Variants in TNRC18 observed in about 807,000 individuals in gnomAD.
TNRC18 encodes trinucleotide repeat containing 18.
In TNRC18, 69 loss-of-function variants were observed where a neutral mutation model predicts 226.7. That is an observed-to-expected ratio of 0.30 (90% CI 0.25 to 0.37). The LOEUF (loss-of-function observed/expected upper bound fraction) is 0.37. Ranked by LOEUF, TNRC18 falls within the 10% of genes least tolerant of loss-of-function variation. TNRC18 has a pLI of 1.00. For synonymous variants in TNRC18, 2,449 were observed against 1,927.6 expected, an observed-to-expected ratio of 1.27 and a Z score of -7.09; for missense variants, 4,754 against 4,256.6, an observed-to-expected ratio of 1.12 and a Z score of -3.25.
chr7:5,336,525 T>A (rs1361211972), intron 18 of TNRC18, among the ~76,000 whole-genome samples: 3 of 151,840 alleles, frequency 2.0e-5, no homozygotes, highest in African/African-American at 7.3e-5. Context: ...GGAGGATCCC[T>A]GAGGTCAAGA....
chr7:5,411,673 A>G (rs1205615528), intron 2 of TNRC18, among the ~76,000 whole-genome samples: 1 of 152,110 alleles, frequency 6.6e-6, no homozygotes, highest in Non-Finnish European at 1.5e-5. Flanking sequence ...GATGTGCTCT[A>G]CAGAAAGAAG....
rs751757797 is a variant in TNRC18, at chr7:5,377,943, C to T, written c.2234G>A (p.Arg745Gln). 14 of 1,613,628 alleles carry T rather than the reference C, an allele frequency of 8.7e-6. No individual in the cohort carries two copies. The highest frequency in any genetic ancestry group is 1.1e-5 in the Non-Finnish European group (13 of 1,179,804). The change falls in exon 6 of 30, where the codon CGG becomes CAG. Residue 745 changes from arginine to glutamine, a missense_variant. Coordinates refer to ENST00000430969, the MANE Select transcript of TNRC18 (RefSeq NM_001080495.3). The surrounding 1 kb of genome is among the most constrained non-coding windows in gnomAD (Gnocchi z 5.8). ...EERLLGARLD[R>Q]DQEKLLRESK... is the part of the protein sequence containing the mutation. ...TCACCTGAGCAGCTTCTCCTGATCC[C>T]GGTCCAGCCGTGCCCCGAGCAGCCG...
chr7:5,411,515 CAAAAAAAA>C (rs764197407), intron 2 of TNRC18, among the ~76,000 whole-genome samples: 2 of 65,472 alleles, frequency 3.1e-5, no homozygotes, highest in East Asian at 5.3e-4. Context: ...AAGACTCTGT[CAAAAAAAA>C]AAAAAAAAAA....
At chr7:5,320,678 C>T (rs932854807) in intron 22 of TNRC18, 71 bp from the exon 23 acceptor site, 1 of 1,333,690 alleles carries the variant, frequency 7.5e-7, no homozygotes, top group South Asian at 1.3e-5. Context: ...CCCACCAGCA[C>T]AGCACTGCCT....
At chr7:5,311,190 A>G (rs1338450780) in intron 27 of TNRC18, among the ~76,000 whole-genome samples, 1 of 129,182 alleles carries the variant, frequency 7.7e-6, no homozygotes, top group Non-Finnish European at 1.7e-5. Context: ...ATGTGCACAC[A>G]TATGTGCGTG....
chr7:5,309,085 C>T lies in TNRC18; in HGVS notation c.8625+47G>A, dbSNP rs761899002. 16 of 1,543,144 alleles carry T rather than the reference C, an allele frequency of 1.0e-5. No homozygotes were observed. The African/African-American group carries it at 1.2e-4, about 12-fold the overall frequency. ...CCAGAACGCCTCGCCCTCAGGTCTG[C>T]CCTACACCGCCTAGGACTGGGGGCC... is the stretch of plus-strand genomic sequence containing the variant. On this transcript the variant is annotated intron_variant, in intron 28 of 29. Transcript: ENST00000430969. This position sits in a 1 kb window ranked among gnomAD's most constrained non-coding sequence, Gnocchi z 5.7.
At position 5,401,741 on chromosome 7, in the gene TNRC18, G is replaced by C. The variant is rs375805757; in HGVS notation, c.188-7146C>G. ...ACCCCAGCATTACTAGGTATGCTAC[G>C]AGTTATTTTTTATTCCTAGTCCTAT... On this transcript the variant is annotated intron_variant, in intron 2 of 29. Coordinates refer to ENST00000430969, the MANE Select transcript of TNRC18 (RefSeq NM_001080495.3). Among the ~76,000 whole-genome samples, 4 of 152,330 alleles carry C rather than the reference G, an allele frequency of 2.6e-5. No individual in the cohort carries two copies. The East Asian group carries it at 5.8e-4, about 22-fold the overall frequency.
intron 29 of TNRC18, 125 bp from the exon 30 acceptor site, chr7:5,308,437 A>G (rs1428218477): frequency 1.2e-6 from 1 of 855,408 alleles, no homozygotes; most frequent in African/African-American, 1.7e-5. Flanking sequence ...AGACCAAGTC[A>G]GAGACAGAGG....
chr7:5,371,910 T>C (rs1478063785), intron 10 of TNRC18, among the ~76,000 whole-genome samples: 1 of 152,160 alleles, frequency 6.6e-6, no homozygotes, highest in Non-Finnish European at 1.5e-5. Context: ...ATTTCCTTTT[T>C]TTTTGAGACA....
intron 17 of TNRC18, among the ~76,000 whole-genome samples, chr7:5,351,252 T>C (rs1280732805): frequency 6.6e-6 from 1 of 151,018 alleles, no homozygotes; most frequent in African/African-American, 2.4e-5. Flanking sequence ...ACCTAATGTC[T>C]AGTAAGGACA....
At chr7:5,347,838 C>G (rs1791361119) in intron 17 of TNRC18, among the ~76,000 whole-genome samples, 1 of 151,880 alleles carries the variant, frequency 6.6e-6, no homozygotes, top group South Asian at 2.1e-4. Context: ...ACCTGTAATC[C>G]CGGCTACTCA....
In TNRC18 at chr7:5,313,482, G is replaced by A. The variant is rs199555734; in HGVS notation, c.7409C>T (p.Thr2470Met). Residue 2470 changes from threonine to methionine, a missense_variant, in exon 27 of 30, where the codon ACG becomes ATG. Thr to Met is a moderately conservative substitution (Grantham distance 81). Transcript: ENST00000430969. ...LLVKLDHEGV[T>M]SPKSKKAKEA... is the part of the protein sequence containing the mutation. Reference sequence around the variant, plus strand: ...TTTAGCCTTCTTGCTTTTGGGTGACGTGACACCCTCGTGGTCCAGTTTGAC... The same window carrying A: ...TTTAGCCTTCTTGCTTTTGGGTGACATGACACCCTCGTGGTCCAGTTTGAC... The A allele has an allele frequency of 1.1e-5, 18 of 1,613,282 alleles. No individual in the cohort carries two copies. Among genetic ancestry groups the A allele is most frequent in the Admixed American group, 5.0e-5 (3 of 59,998 alleles).
At position 5,377,841 on chromosome 7, in the gene TNRC18, A is replaced by C; in HGVS notation, c.2255+81T>G. 1.4e-6 allele frequency: 2 copies of C among 1,407,016 alleles called. No individual in the cohort carries two copies. The highest frequency in any genetic ancestry group is 1.0e-6 in the Non-Finnish European group (1 of 1,004,020). The allele number at this position is 1,407,016 out of a possible 1,614,324, so 87.2% of individuals were successfully genotyped here. A position where few individuals can be genotyped will look rare whatever the true frequency, so the allele number is the denominator to read the frequency against. On this transcript the variant is annotated intron_variant, in intron 6 of 29. Coordinates refer to ENST00000430969, the MANE Select transcript of TNRC18 (RefSeq NM_001080495.3). The surrounding 1 kb of genome is among the most constrained non-coding windows in gnomAD (Gnocchi z 5.8). ...CATCCATGGTCGAGGGGCCAAGCCC[A>C]CCTGGGGTCATCCAGCTGCCCCTCA...
intron 18 of TNRC18, 45 bp downstream of exon 18, chr7:5,345,517 G>GGGGGGGCGCCCCCCCCCCCCCCCCCCCCC: frequency 2.6e-6 from 1 of 377,744 alleles, no homozygotes; most frequent in African/African-American, 2.2e-5. Context: ...AATGGCGTCC[G>GGGGGGGCGCCCCCCCCCCCCCCCCCCCCC]CCCCTCCCAC....
intron 2 of TNRC18, among the ~76,000 whole-genome samples, chr7:5,411,368 G>T (rs1184714569): frequency 6.6e-6 from 1 of 151,656 alleles, no homozygotes; most frequent in African/African-American, 2.4e-5. Context: ...ATCCTAGAGG[G>T]AAGGCCGTGT....
Position 5,388,106 on chromosome 7 carries a change from T to C in TNRC18, c.1718A>G (p.His573Arg). ...CTCTCCAGACCCGTGGGCCGCAGAG[T>C]GCATGTCAGCGACCGGCCGGCCGCA... ...ATCGRPVADM[H>R]SAAHGSGEAS... Residue 573 changes from histidine (H) to arginine (R), a missense_variant, in exon 5 of 30, where the codon CAC becomes CGC. By Grantham distance (29) the His-to-Arg change is conservative. Coordinates refer to ENST00000430969, the MANE Select transcript of TNRC18 (RefSeq NM_001080495.3). 1 of 1,553,618 alleles carries C rather than the reference T, an allele frequency of 6.4e-7. No homozygotes were observed. Among genetic ancestry groups the C allele is most frequent in the Non-Finnish European group, 8.7e-7 (1 of 1,149,384 alleles).
intron 11 of TNRC18, among the ~76,000 whole-genome samples, chr7:5,364,590 G>A (rs1275031004): frequency 1.3e-5 from 2 of 151,836 alleles, no homozygotes; most frequent in Non-Finnish European, 2.9e-5. Context: ...GATGGCTTGA[G>A]GCCAGGAGTC....
At chr7:5,363,474 G>T (rs1793286130) in intron 11 of TNRC18, among the ~76,000 whole-genome samples, 1 of 151,708 alleles carries the variant, frequency 6.6e-6, no homozygotes, top group Non-Finnish European at 1.5e-5. Flanking sequence ...TGTGGTGGCG[G>T]GCGCCTGTAG....
intron 15 of TNRC18, 112 bp from the exon 16 acceptor site, chr7:5,357,388 T>A: frequency 8.5e-7 from 1 of 1,180,430 alleles, no homozygotes; most frequent in South Asian, 1.6e-5. Flanking sequence ...GCCTCTGTGA[T>A]TTAACTCCTC....
Sources: allele counts gnomAD v4.1 joint callset (sites outside exome capture counted in the v4.1 genomes callset), GRCh38; gene constraint gnomAD v4.1.1; non-coding constraint Gnocchi (gnomAD v3.1); transcripts MANE v1.5; gene names NCBI Gene and HGNC (gene_info 2026-07-23, HGNC 2026-07-21).